The following ARHGAP15 variants were observed in gnomAD, a reference collection of about 807,000 sequenced individuals.
ARHGAP15 encodes rho GTPase-activating protein 15.
In ARHGAP15, 51 loss-of-function variants were observed where a neutral mutation model predicts 63.7. The observed-to-expected ratio is 0.80, with a 90% CI of 0.64 to 1.01. The LOEUF is 1.01. Among genes scored for constraint, ARHGAP15 ranks in the 50% least tolerant of loss-of-function variants. ARHGAP15 has a pLI of 0.00. For missense variants in ARHGAP15, 560 were observed against 564.6 expected (o/e 0.99, Z 0.08); for synonymous variants, 191 against 193.8 (o/e 0.99, Z 0.12).
intron 6 of ARHGAP15, among the ~76,000 whole-genome samples, chr2:143,427,498 A>G (rs1445422785): frequency 6.6e-6 from 1 of 151,964 alleles, no homozygotes; most frequent in African/African-American, 2.4e-5. Flanking sequence ...CTTATGTTCC[A>G]GTTCCCATAC....
intron 6 of ARHGAP15, among the ~76,000 whole-genome samples, chr2:143,285,431 T>C (rs1682042883): frequency 6.6e-6 from 1 of 152,160 alleles, no homozygotes; most frequent in Non-Finnish European, 1.5e-5. Context: ...ACTTGTACTT[T>C]GTTTGCTTTA....
intron 11 of ARHGAP15, among the ~76,000 whole-genome samples, chr2:143,579,866 G>GTTTTATTTTTTTAT (rs1696823887): frequency 6.6e-6 from 1 of 150,796 alleles, no homozygotes; most frequent in Admixed American, 6.6e-5. Flanking sequence ...TGAAACATTT[G>GTTTTATTTTTTTAT]TTTTATTTTT....
chr2:143,682,088 T>C (rs937939284), intron 12 of ARHGAP15, among the ~76,000 whole-genome samples: 6 of 152,190 alleles, frequency 3.9e-5, no homozygotes, highest in Non-Finnish European at 8.8e-5. Context: ...GCATTATTAA[T>C]TAAAGAAGGT....
chr2:143,138,446 T>G (rs1043629645), intron 1 of ARHGAP15, among the ~76,000 whole-genome samples: 1 of 152,136 alleles, frequency 6.6e-6, no homozygotes, highest in Non-Finnish European at 1.5e-5. Context: ...CATGAGGCCC[T>G]AGAGTCTAAA....
Position 143,561,888 on chromosome 2 carries a change from A to C in ARHGAP15, c.1003+5403A>C, listed in dbSNP as rs553216427. 7.2e-4 allele frequency among the ~76,000 whole-genome samples: 110 copies of C among 152,260 alleles called. 4 individuals carry two copies. The South Asian group carries it at 0.022, about 31-fold the overall frequency. On this transcript the variant is annotated intron_variant, in intron 11 of 13. Coordinates refer to ENST00000295095, the MANE Select transcript of ARHGAP15 (RefSeq NM_018460.4). ...ACTTGTGCAAACAAGGAGGAACAAA[A>C]TATACAAATGCTATAAATCTACATG...
At chr2:143,208,801 T>C (rs1490879156) in intron 3 of ARHGAP15, among the ~76,000 whole-genome samples, 1 of 152,178 alleles carries the variant, frequency 6.6e-6, no homozygotes, top group Non-Finnish European at 1.5e-5. Context: ...AAGAACCCTG[T>C]TTATAACATG....
At chr2:143,524,407 A>C in intron 10 of ARHGAP15, among the ~76,000 whole-genome samples, 1 of 152,160 alleles carries the variant, frequency 6.6e-6, no homozygotes. Flanking sequence ...CAAAATGCTC[A>C]CTTTGATTTT....
intron 4 of ARHGAP15, among the ~76,000 whole-genome samples, chr2:143,223,853 T>G (rs1693097310): frequency 6.6e-6 from 1 of 152,206 alleles, no homozygotes; most frequent in Non-Finnish European, 1.5e-5. Flanking sequence ...TTGTTTTCCC[T>G]TGGTTAGGAT....
chr2:143,250,105 T>C (rs1680075434), intron 5 of ARHGAP15, among the ~76,000 whole-genome samples: 1 of 152,100 alleles, frequency 6.6e-6, no homozygotes, highest in African/African-American at 2.4e-5. Flanking sequence ...GATTTATCAA[T>C]TTTTTCTTTT....
chr2:143,397,979 C>T (rs950007952), intron 6 of ARHGAP15, among the ~76,000 whole-genome samples: 4 of 151,800 alleles, frequency 2.6e-5, no homozygotes, highest in African/African-American at 9.7e-5. Flanking sequence ...ATCATTAACT[C>T]CTCTCTGCCT....
rs74735256 is a variant in ARHGAP15, at chr2:143,201,051, G to A, written c.166-1083G>A. ...ATATATTTGAGTTCTCTTCTGGGAC[G>A]TTTGAAGTTTAGGGGAAACTCAATG... On this transcript the variant is annotated intron_variant, in intron 2 of 13. Transcript: ENST00000295095. Among the ~76,000 whole-genome samples the A allele has an allele frequency of 3.7e-3, 570 of 152,144 alleles. 4 individuals carry two copies. Among genetic ancestry groups the A allele is most frequent in the African/African-American group, 0.013 (543 of 41,524 alleles).
At chr2:143,746,817 A>G (rs941834927) in intron 13 of ARHGAP15, among the ~76,000 whole-genome samples, 6 of 152,226 alleles carry the variant, frequency 3.9e-5, no homozygotes, top group African/African-American at 1.4e-4. Context: ...TATGATTCTA[A>G]AAGTCTTCCT....
At chr2:143,277,173 C>T (rs1290415217) in intron 6 of ARHGAP15, among the ~76,000 whole-genome samples, 7 of 151,968 alleles carry the variant, frequency 4.6e-5, no homozygotes, top group Non-Finnish European at 7.4e-5. Flanking sequence ...GCAACCTAAG[C>T]GTGGAAATGA....
intron 2 of ARHGAP15, among the ~76,000 whole-genome samples, chr2:143,189,505 T>C (rs1194123926): frequency 6.9e-6 from 1 of 145,166 alleles, no homozygotes; most frequent in Non-Finnish European, 1.5e-5. Context: ...TTTCTTTCTT[T>C]TTTTTTTTTT....
chr2:143,648,385 C>A (rs1015294156), intron 12 of ARHGAP15, among the ~76,000 whole-genome samples: 1 of 152,018 alleles, frequency 6.6e-6, no homozygotes, highest in South Asian at 2.1e-4. Context: ...TAGTAGCCTA[C>A]AGGGTAATTC....
At chr2:143,541,016 A>G (rs1390836470) in intron 10 of ARHGAP15, among the ~76,000 whole-genome samples, 2 of 152,198 alleles carry the variant, frequency 1.3e-5, no homozygotes, top group Admixed American at 1.3e-4. Flanking sequence ...AGGTACACCT[A>G]TCAAATGTAG....
chr2:143,435,454 G>C (rs1689569412), intron 6 of ARHGAP15, 147 bp from the exon 7 acceptor site: 2 of 1,267,400 alleles, frequency 1.6e-6, no homozygotes, highest in Admixed American at 7.6e-5. Flanking sequence ...AATGCTCCCA[G>C]TTCCCAGAAA....
At chr2:143,397,985 T>G (rs1459091274) in intron 6 of ARHGAP15, among the ~76,000 whole-genome samples, 4 of 152,108 alleles carry the variant, frequency 2.6e-5, no homozygotes, top group African/African-American at 7.2e-5. Flanking sequence ...AACTCCTCTC[T>G]GCCTTGAAAT....
intron 8 of ARHGAP15, among the ~76,000 whole-genome samples, chr2:143,455,382 C>G (rs1690599795): frequency 6.6e-6 from 1 of 152,012 alleles, no homozygotes; most frequent in East Asian, 1.9e-4. Flanking sequence ...TGGCTGGCTT[C>G]TTTACCACAT....
Sources: gnomAD v4.1 joint callset for allele counts (sites outside exome capture counted in the v4.1 genomes callset) on GRCh38, gnomAD v4.1.1 for gene constraint, MANE v1.5 for transcripts, NCBI Gene and HGNC (gene_info 2026-07-23, HGNC 2026-07-21) for gene names.